The following KIF22 variants were observed in gnomAD, a reference collection of about 807,000 sequenced individuals.
The protein encoded by KIF22 is kinesin-like protein KIF22.
Under a neutral mutation model 73.0 loss-of-function variants are expected in KIF22, and 62 were observed. The observed-to-expected ratio is 0.85, with a 90% CI of 0.69 to 1.05. The LOEUF is 1.05. Among genes scored for constraint, KIF22 ranks in the 50% least tolerant of loss-of-function variants. The pLI, the probability that KIF22 is intolerant of heterozygous loss-of-function variation, is 0.00. For missense variants in KIF22, 854 were observed against 870.1 expected, an observed-to-expected ratio of 0.98 and a Z score of 0.23; for synonymous variants, 411 against 340.1, an observed-to-expected ratio of 1.21 and a Z score of -2.29.
chr16:29,796,846 C>A, intron 1 of KIF22, 47 bp from the exon 2 acceptor site: 1 of 1,593,562 alleles, frequency 6.3e-7, no homozygotes, highest in Non-Finnish European at 8.6e-7. Flanking sequence ...CCTGCTTCTT[C>A]TGCTACCACC....
intron 9 of KIF22, 62 bp from the exon 10 acceptor site, chr16:29,803,387 C>A: frequency 6.3e-7 from 1 of 1,595,120 alleles, no homozygotes; most frequent in Non-Finnish European, 8.5e-7. Context: ...CCTGGTAACC[C>A]ACTCCCTTCA....
chr16:29,805,017 C>A lies in KIF22; in HGVS notation c.1881C>A (p.Pro627=). Residue 627 remains proline, a synonymous_variant, in exon 12 of 14, where the codon CCC becomes CCA. Transcript: ENST00000160827. ...LIVGWRELHG[P]FSQVEDLERV... is the part of the protein sequence containing the mutation. The stretch of plus-strand genomic sequence containing the variant: ...TGGGCTGGCGGGAGCTCCACGGCCC[C>A]TTCAGCCAGGTAGCAGCCCACTGGA... 1 of 1,608,508 alleles carries A rather than the reference C, an allele frequency of 6.2e-7. No individual in the cohort carries two copies.
At chr16:29,799,243 G>T (rs1899041029) in intron 5 of KIF22, 21 bp from the exon 6 acceptor site, 2 of 1,611,982 alleles carry the variant, frequency 1.2e-6, no homozygotes, top group Non-Finnish European at 1.7e-6. Context: ...CTAAGCACGA[G>T]ACCTTTGTTC....
At chr16:29,796,284 A>AAAAAAAC (rs1410758267) in intron 1 of KIF22, among the ~76,000 whole-genome samples, 1 of 146,612 alleles carries the variant, frequency 6.8e-6, no homozygotes, top group Non-Finnish European at 1.5e-5. Flanking sequence ...AAAAAAAAAA[A>AAAAAAAC]ACACACACAC....
rs1407553871 is a variant in KIF22, at chr16:29,796,284, A to AAC, written c.71-589_71-588dup. Among the ~76,000 whole-genome samples, 67 of 146,674 alleles carry AAC rather than the reference A, an allele frequency of 4.6e-4. 1 individual carries two copies. The highest frequency in any genetic ancestry group is 1.0e-3 in the East Asian group (5 of 4,986). ...AGACTGTCTCAAAAAAAAAAAAAAA[A>AAC]ACACACACACACACACACACAGAAA... On this transcript the variant is annotated intron_variant, in intron 1 of 13. Transcript: ENST00000160827.
In KIF22 at chr16:29,796,911, T is replaced by C; in HGVS notation, c.89T>C (p.Leu30Pro). The C allele has an allele frequency of 6.2e-7, 1 of 1,614,134 alleles. No individual in the cohort carries two copies. Among genetic ancestry groups the C allele is most frequent in the Non-Finnish European group, 8.5e-7 (1 of 1,179,982 alleles). ...AAISGAGRCR[L>P]SKIGATRRPP... ...CCTCCAGGAGCTGGTCGCTGTCGGC[T>C]AAGCAAGATTGGAGCTACTCGTCGT... The change falls in exon 2 of 14, where the codon CTA (leucine) becomes CCA (proline). Residue 30 changes from leucine (L) to proline (P), a missense_variant. By Grantham distance (98) the Leu-to-Pro change is moderately conservative. Transcript: ENST00000160827.
intron 1 of KIF22, chr16:29,791,169 A>G: frequency 8.3e-7 from 1 of 1,197,846 alleles, no homozygotes; most frequent in Non-Finnish European, 1.0e-6. Flanking sequence ...TGAATAAGCA[A>G]GAGAAGAGTG....
At chr16:29,801,368 A>G (rs1304136425) in intron 8 of KIF22, among the ~76,000 whole-genome samples, 3 of 152,162 alleles carry the variant, frequency 2.0e-5, no homozygotes, top group Non-Finnish European at 4.4e-5. Context: ...CCTGTGAACT[A>G]CTAAACAGAG....
chr16:29,792,355 C>T (rs1354352070), intron 1 of KIF22: 10 of 942,424 alleles, frequency 1.1e-5, no homozygotes, highest in Non-Finnish European at 1.3e-5. Context: ...CCTCTTCCCT[C>T]CTACCCTGGA....
At chr16:29,804,193 C>T (rs1899255036) in intron 11 of KIF22, 128 bp downstream of exon 11, 2 of 748,256 alleles carry the variant, frequency 2.7e-6, no homozygotes, top group Non-Finnish European at 4.8e-6. Context: ...TAACAGACCT[C>T]AACTTGCTTA....
At chr16:29,803,820 A>T (rs1368003027) in intron 10 of KIF22, among the ~76,000 whole-genome samples, 178 bp from the exon 11 acceptor site, 1 of 152,186 alleles carries the variant, frequency 6.6e-6, no homozygotes, top group African/African-American at 2.4e-5. Flanking sequence ...ATTGAAGATA[A>T]TGCAAGACTG....
At position 29,804,067 on chromosome 16, in the gene KIF22, T is replaced by TGAA. The variant is rs1567362310; in HGVS notation, c.1677+3_1677+5dup. On this transcript the variant is annotated splice_region_variant and intron_variant, in intron 11 of 13. Coordinates refer to ENST00000160827, the MANE Select transcript of KIF22 (RefSeq NM_007317.3). The stretch of plus-strand genomic sequence containing the variant: ...AAGAATAAAGGCCGGAAGAGAAAGG[T>TGAA]GAAAGTAGCTGGGGGCTTAGGCTAC... The TGAA allele has an allele frequency of 6.2e-7, 1 of 1,612,240 alleles. No homozygotes were observed. The highest frequency in any genetic ancestry group is 2.2e-5 in the East Asian group (1 of 44,872).
Position 29,799,199 on chromosome 16 carries a change from A to C in KIF22, c.759+15A>C, listed in dbSNP as rs760893454. 1 of 1,611,784 alleles carries C rather than the reference A, an allele frequency of 6.2e-7. No homozygotes were observed. Among genetic ancestry groups the C allele is most frequent in the Non-Finnish European group, 8.5e-7 (1 of 1,178,870 alleles). On this transcript the variant is annotated intron_variant, in intron 5 of 13. Transcript: ENST00000160827. Reference sequence around the variant, plus strand: ...TCCTGGTCAAGGTGAGGCCGCAGACAGGGGCGAGGACCTGGGAAGCCCAGG... The same window carrying C: ...TCCTGGTCAAGGTGAGGCCGCAGACCGGGGCGAGGACCTGGGAAGCCCAGG...
At chr16:29,804,303 T>C (rs1295150600) in intron 11 of KIF22, 16 of 607,220 alleles carry the variant, frequency 2.6e-5, no homozygotes, top group Admixed American at 2.8e-5. Flanking sequence ...CTGTGTAGCC[T>C]GGCTTCTACC....
intron 8 of KIF22, among the ~76,000 whole-genome samples, chr16:29,802,438 G>A (rs141714487): frequency 1.2e-4 from 18 of 152,026 alleles, no homozygotes; most frequent in Admixed American, 7.2e-4. Flanking sequence ...GATGTTTTCC[G>A]CAACTGCTCC....
intron 1 of KIF22, chr16:29,791,078 A>C (rs1898801229): frequency 7.3e-7 from 1 of 1,376,856 alleles, no homozygotes; most frequent in African/African-American, 1.5e-5. Flanking sequence ...TCTTGGCTTG[A>C]ACCCCGCGCA....
At position 29,798,883 on chromosome 16, in the gene KIF22, A is replaced by C; in HGVS notation, c.550-92A>C. 1 of 1,539,902 alleles carries C rather than the reference A, an allele frequency of 6.5e-7. No individual in the cohort carries two copies. The highest frequency in any genetic ancestry group is 2.3e-5 in the East Asian group (1 of 44,426). ...AGAGACTGGGGTAGCAGATGGTACA[A>C]CTCCGAGAATAGAACAGAGAAAGGA... On this transcript the variant is annotated intron_variant, in intron 4 of 13. Transcript: ENST00000160827. This position sits in a 1 kb window ranked among gnomAD's most constrained non-coding sequence, Gnocchi z 4.1.
rs1899025848 is a variant in KIF22, at chr16:29,798,821, T to C, written c.549+74T>C. ...GACCTGGTTCTAGAACATGAAGCTC[T>C]GCTGTAGCAGGGAGGTAAGGTGAGA... is the stretch of plus-strand genomic sequence containing the variant. On this transcript the variant is annotated intron_variant, in intron 4 of 13. Transcript: ENST00000160827. This position sits in a 1 kb window ranked among gnomAD's most constrained non-coding sequence, Gnocchi z 4.1. 3 of 1,577,534 alleles carry C rather than the reference T, an allele frequency of 1.9e-6. No homozygotes were observed. The highest frequency in any genetic ancestry group is 3.6e-5 in the Admixed American group (2 of 55,634).
Position 29,799,346 on chromosome 16 carries a change from AC to A in KIF22, c.844del (p.Arg282GlyfsTer10). On this transcript the variant is annotated frameshift_variant, in exon 6 of 14. Transcript: ENST00000160827. LOFTEE classifies it high-confidence loss of function. Reference protein sequence around the residue: ...YLIDLAGSEDNRRTGNKGLRL... With the variant: ...YLIDLAGSEDXRRTGNKGLRL... ...ATTGACTTGGCTGGGTCAGAGGACA[AC>A]CGGCGCACAGGCAACAAGGGCCTTC... is the stretch of plus-strand genomic sequence containing the variant. 6.2e-7 allele frequency: 1 copy of A among 1,614,226 alleles called. No homozygotes were observed. Among genetic ancestry groups the A allele is most frequent in the Non-Finnish European group, 8.5e-7 (1 of 1,180,026 alleles).
Sources: gnomAD v4.1 joint callset for allele counts (sites outside exome capture counted in the v4.1 genomes callset) on GRCh38, gnomAD v4.1.1 for gene constraint, Gnocchi (gnomAD v3.1) non-coding constraint, MANE v1.5 for transcripts, NCBI Gene and HGNC (gene_info 2026-07-23, HGNC 2026-07-21) for gene names.